The following ABCA12 variants were observed in gnomAD, a reference collection of about 807,000 sequenced individuals.
ABCA12 encodes glucosylceramide transporter ABCA12.
ABCA12 carries 156 observed loss-of-function variants against 293.5 expected under a neutral mutation model. That is an observed-to-expected ratio of 0.53 (90% confidence interval 0.47 to 0.61). ABCA12 has a LOEUF of 0.61. Ranked by LOEUF, ABCA12 falls within the 20% of genes least tolerant of loss-of-function variation. ABCA12 has a pLI of 0.00. For synonymous variants in ABCA12, 1,063 were observed against 1,108.0 expected (o/e 0.96, Z 0.81); for missense variants, 2,797 against 3,090.2 (o/e 0.91, Z 2.25).
intron 45 of ABCA12, among the ~76,000 whole-genome samples, chr2:214,950,142 A>G (rs1166046370): frequency 6.6e-6 from 1 of 152,142 alleles, no homozygotes; most frequent in Non-Finnish European, 1.5e-5. Flanking sequence ...TGCATTGGGT[A>G]TTATAAGTAA....
intron 21 of ABCA12, 93 bp downstream of exon 21, chr2:215,001,465 T>G (rs1380351954): frequency 3.0e-5 from 46 of 1,517,984 alleles, no homozygotes; most frequent in Non-Finnish European, 3.9e-5. Flanking sequence ...ACCCCCACAC[T>G]AGTTTTCTGA....
intron 2 of ABCA12, among the ~76,000 whole-genome samples, chr2:215,110,379 T>C (rs1702547607): frequency 6.6e-6 from 1 of 152,068 alleles, no homozygotes; most frequent in East Asian, 1.9e-4. Context: ...GGCGTGGTGA[T>C]GGGCGCCTGT....
intron 1 of ABCA12, 115 bp from the exon 2 acceptor site, chr2:215,111,805 A>T (rs1702576740): frequency 2.6e-6 from 2 of 763,506 alleles, no homozygotes; most frequent in Non-Finnish European, 4.5e-6. Context: ...TGAATATTTG[A>T]CCAACTGTAG....
chr2:215,071,048 C>G (rs1305337584), intron 2 of ABCA12, among the ~76,000 whole-genome samples: 1 of 151,400 alleles, frequency 6.6e-6, no homozygotes, highest in African/African-American at 2.4e-5. Flanking sequence ...AACCCACAAA[C>G]TATCTCGGCA....
chr2:215,034,860 G>A (rs994167739), intron 8 of ABCA12, among the ~76,000 whole-genome samples: 9 of 152,102 alleles, frequency 5.9e-5, no homozygotes, highest in Non-Finnish European at 1.2e-4. Context: ...TGAAAGAGTG[G>A]TATGAAGCCT....
In ABCA12 at chr2:214,968,862, T is replaced by C. The variant is rs1049248548; in HGVS notation, c.5691-55A>G. The C allele has an allele frequency of 2.0e-6, 3 of 1,516,836 alleles. No individual in the cohort carries two copies. In the South Asian group the frequency reaches 3.4e-5, roughly 17 times the overall value. The allele number at this position is 1,516,836 out of a possible 1,614,324, so 94.0% of individuals were successfully genotyped here. On this transcript the variant is annotated intron_variant, in intron 37 of 52. Transcript: ENST00000272895. ...GTTTAGTGGAGAAAATCTTCTTAAA[T>C]AGATCTAAAATACTTAACGAGGAGC...
At chr2:215,000,570 CTT>C in intron 22 of ABCA12, 133 bp downstream of exon 22, 2 of 981,826 alleles carry the variant, frequency 2.0e-6, no homozygotes, top group South Asian at 2.8e-5. Flanking sequence ...AGTGTGAACT[CTT>C]TCTCAAAACA....
intron 22 of ABCA12, 32 bp from the exon 23 acceptor site, chr2:214,997,841 C>T (rs111946930): frequency 5.1e-5 from 69 of 1,353,702 alleles, no homozygotes; most frequent in Middle Eastern, 3.6e-4. Context: ...AAAAATTCAG[C>T]GACCAAAATG....
intron 1 of ABCA12, among the ~76,000 whole-genome samples, chr2:215,133,937 C>T (rs1703117869): frequency 6.6e-6 from 1 of 151,998 alleles, no homozygotes; most frequent in Non-Finnish European, 1.5e-5. Flanking sequence ...AGAAATCTGA[C>T]TTTGAGCTTT....
intron 11 of ABCA12, among the ~76,000 whole-genome samples, chr2:215,024,199 A>C (rs896445449): frequency 1.3e-5 from 2 of 152,230 alleles, no homozygotes; most frequent in African/African-American, 4.8e-5. Context: ...AATCCATGTT[A>C]GATATCCCGC....
chr2:214,951,121 G>A (rs1416286155), intron 44 of ABCA12, 38 bp from the exon 45 acceptor site: 1 of 1,562,764 alleles, frequency 6.4e-7, no homozygotes. Flanking sequence ...CAATGATTTT[G>A]AAATGACAGC....
intron 2 of ABCA12, among the ~76,000 whole-genome samples, chr2:215,093,680 A>G (rs981917232): frequency 1.3e-5 from 2 of 152,188 alleles, no homozygotes; most frequent in Non-Finnish European, 2.9e-5. Flanking sequence ...CACTTTCTAT[A>G]GTTCTCATAA....
At chr2:214,939,421 G>A (rs902650572) in intron 50 of ABCA12, among the ~76,000 whole-genome samples, 4 of 152,098 alleles carry the variant, frequency 2.6e-5, no homozygotes, top group Admixed American at 2.6e-4. Flanking sequence ...TGTTCTTTTT[G>A]CTCAGAATTG....
intron 39 of ABCA12, among the ~76,000 whole-genome samples, chr2:214,963,977 G>A (rs1335213083): frequency 1.4e-5 from 2 of 148,132 alleles, no homozygotes; most frequent in Non-Finnish European, 1.5e-5. Flanking sequence ...GAACATCGAT[G>A]CAAAAATTCT....
chr2:215,023,364 T>C (rs930878010), intron 11 of ABCA12: 1 of 152,190 alleles, frequency 6.6e-6, no homozygotes, highest in Non-Finnish European at 1.5e-5. Flanking sequence ...ATAACAGCCA[T>C]GCTTGTTATA....
intron 9 of ABCA12, among the ~76,000 whole-genome samples, chr2:215,031,102 AG>A (rs1700867401): frequency 6.6e-6 from 1 of 152,198 alleles, no homozygotes; most frequent in Non-Finnish European, 1.5e-5. Flanking sequence ...CAGTTACTTC[AG>A]GATCTGCTTA....
Position 214,934,161 on chromosome 2 carries a change from C to T in ABCA12, c.7597G>A (p.Ala2533Thr), listed in dbSNP as rs140033094. 488 of 1,613,646 alleles carry T rather than the reference C, an allele frequency of 3.0e-4. No homozygotes were observed. The highest frequency in any genetic ancestry group is 8.7e-4 in the African/African-American group (65 of 74,966). Residue 2533 changes from alanine to threonine, a missense_variant, in exon 52 of 53, where the codon GCA (alanine) becomes ACA (threonine). Transcript: ENST00000272895. ...YHVPVTAGGV[A>T]NIFDLLETNK... ...GTTTCCAGCAGATCAAAAATGTTTG[C>T]GACTCCTCCTGCTGTGACTGGTACA... is the stretch of plus-strand genomic sequence containing the variant.
At chr2:215,088,950 T>C (rs1702089476) in intron 2 of ABCA12, among the ~76,000 whole-genome samples, 1 of 152,158 alleles carries the variant, frequency 6.6e-6, no homozygotes, top group African/African-American at 2.4e-5. Context: ...ATATCATTCA[T>C]ATATGTCCAT....
At chr2:215,069,133 A>G (rs2106079648) in intron 2 of ABCA12, among the ~76,000 whole-genome samples, 1 of 152,216 alleles carries the variant, frequency 6.6e-6, no homozygotes, top group East Asian at 1.9e-4. Flanking sequence ...AAAGGCATTT[A>G]GTCTTTACCC....
Sources: allele counts gnomAD v4.1 joint callset (sites outside exome capture counted in the v4.1 genomes callset), GRCh38; gene constraint gnomAD v4.1.1; transcripts MANE v1.5; gene names NCBI Gene and HGNC (gene_info 2026-07-23, HGNC 2026-07-21).